The following EBF2 variants were observed in gnomAD, a reference collection of about 807,000 sequenced individuals.
The protein encoded by EBF2 is EBF transcription factor 2.
A neutral mutation model predicts 72.8 loss-of-function variants in EBF2; 21 were observed. The ratio of observed to expected loss-of-function variants is 0.29; its 90% CI spans 0.20 to 0.42. The LOEUF is 0.42. Ranked by LOEUF, EBF2 falls within the 10% of genes least tolerant of loss-of-function variation. The pLI, the probability that EBF2 is intolerant of heterozygous loss-of-function variation, is 1.00. For synonymous variants in EBF2, 299 were observed against 274.2 expected (o/e 1.09, Z -0.89); for missense variants, 637 against 731.2 (o/e 0.87, Z 1.49).
chr8:25,993,878 C>T (rs765226833), intron 6 of EBF2, among the ~76,000 whole-genome samples: 5 of 152,038 alleles, frequency 3.3e-5, no homozygotes, highest in Non-Finnish European at 5.9e-5. Context: ...CCTATCTCAA[C>T]ATTAAATGCT....
In EBF2 at chr8:25,842,598, T is replaced by C. The variant is rs1416958419; in HGVS notation, c.*2011A>G. 4 of 152,226 alleles carry C rather than the reference T, an allele frequency of 2.6e-5. No homozygotes were observed. Among genetic ancestry groups the C allele is most frequent in the Non-Finnish European group, 5.9e-5 (4 of 68,036 alleles). 9.4% of individuals were successfully genotyped at this position (152,226 alleles called of 1,614,324 possible). A position where few individuals can be genotyped will look rare whatever the true frequency, so the allele number is the denominator to read the frequency against. On this transcript the variant is annotated 3_prime_UTR_variant, in exon 16 of 16. Coordinates refer to ENST00000520164, the MANE Select transcript of EBF2 (RefSeq NM_022659.4). ...AATCAGGTTTCTCACTGGGGGACTT[T>C]TTCTCTTATGTTTCCGTGTATTTTG...
At chr8:25,995,685 T>A (rs968184320) in intron 6 of EBF2, among the ~76,000 whole-genome samples, 4 of 151,862 alleles carry the variant, frequency 2.6e-5, no homozygotes, top group African/African-American at 9.7e-5. Flanking sequence ...AAAAATTATA[T>A]GTAAAAAGAT....
intron 10 of EBF2, among the ~76,000 whole-genome samples, chr8:25,872,700 C>T (rs1239171309): frequency 6.6e-6 from 1 of 152,090 alleles, no homozygotes; most frequent in Non-Finnish European, 1.5e-5. Context: ...ACAACAACAA[C>T]AACAACAACA....
At chr8:26,011,276 G>A (rs1210800173) in intron 6 of EBF2, among the ~76,000 whole-genome samples, 1 of 152,116 alleles carries the variant, frequency 6.6e-6, no homozygotes, top group Non-Finnish European at 1.5e-5. Context: ...TTATTTTTAG[G>A]TTGCGTTTGT....
chr8:26,032,999 G>C (rs1585234970), intron 6 of EBF2, 86 bp downstream of exon 6: 2 of 1,297,888 alleles, frequency 1.5e-6, no homozygotes, highest in East Asian at 4.7e-5. Context: ...CAACTTGACA[G>C]CAAAGCTCCA....
intron 7 of EBF2, among the ~76,000 whole-genome samples, chr8:25,904,235 C>CAAAAAAA (rs35930162): frequency 8.2e-6 from 1 of 121,836 alleles, no homozygotes; most frequent in African/African-American, 3.0e-5. Context: ...GGGTCTGGGC[C>CAAAAAAA]AAAAAAAAAA....
chr8:26,002,876 AG>A (rs1804758858), intron 6 of EBF2, among the ~76,000 whole-genome samples: 1 of 93,002 alleles, frequency 1.1e-5, no homozygotes, highest in Non-Finnish European at 2.8e-5. Context: ...GCAGGCGGGC[AG>A]GCGGGCAGGC....
At chr8:26,034,280 T>C (rs1157708645) in intron 5 of EBF2, among the ~76,000 whole-genome samples, 5 of 152,200 alleles carry the variant, frequency 3.3e-5, no homozygotes, top group Non-Finnish European at 7.3e-5. Flanking sequence ...AGCTGTTGGA[T>C]GGTAGCTCCA....
rs768749028 is a variant in EBF2, at chr8:26,044,745, T to G, written c.115A>C (p.Asn39His). 6.2e-7 allele frequency: 1 copy of G among 1,614,036 alleles called. No homozygotes were observed. Among genetic ancestry groups the G allele is most frequent in the South Asian group, 1.1e-5 (1 of 91,074 alleles). The part of the protein sequence containing the change: ...WVRNVGVVDA[N>H]VAAQSGVALS... ...TGTCGTTACCTCTGCGCGGCGACAT[T>G]AGCGTCCACCACTCCGACATTCCGG... Residue 39 changes from asparagine to histidine, a missense_variant, in exon 1 of 16, where the codon AAT (asparagine) becomes CAT (histidine). By Grantham distance (68) the Asn-to-His change is moderately conservative. This residue lies in a region of EBF2 where 174 missense variants were observed against 161.9 expected (regional missense o/e 1.07). Transcript: ENST00000520164. The surrounding 1 kb of genome is among the most constrained non-coding windows in gnomAD (Gnocchi z 4.1).
At chr8:25,915,812 T>C (rs1040241234) in intron 6 of EBF2, among the ~76,000 whole-genome samples, 3 of 152,100 alleles carry the variant, frequency 2.0e-5, no homozygotes, top group African/African-American at 7.2e-5. Context: ...AGGATCTCCA[T>C]AATGGAGATT....
chr8:25,966,118 G>A (rs17054701), intron 6 of EBF2, among the ~76,000 whole-genome samples: 4,028 of 152,322 alleles, frequency 0.026, 52 homozygotes, highest in Middle Eastern at 0.095. Context: ...GGCCAGGCTG[G>A]CTCCTTCTCA....
intron 6 of EBF2, among the ~76,000 whole-genome samples, chr8:25,976,984 G>A (rs1320136329): frequency 1.3e-5 from 2 of 152,202 alleles, no homozygotes; most frequent in African/African-American, 2.4e-5. Flanking sequence ...TTACCCAGCT[G>A]TAAGTGATTC....
At chr8:25,927,299 C>A (rs1440012353) in intron 6 of EBF2, among the ~76,000 whole-genome samples, 1 of 137,866 alleles carries the variant, frequency 7.3e-6, no homozygotes, top group Non-Finnish European at 1.6e-5. Flanking sequence ...AATTCCTTAT[C>A]TTGTATATAT....
intron 6 of EBF2, among the ~76,000 whole-genome samples, chr8:25,915,576 G>C (rs1203493006): frequency 1.4e-5 from 2 of 140,062 alleles, no homozygotes; most frequent in Non-Finnish European, 3.0e-5. Context: ...TGTCCAAAGA[G>C]ATGGCATAGC....
At chr8:25,996,364 T>C (rs1804631489) in intron 6 of EBF2, among the ~76,000 whole-genome samples, 1 of 151,586 alleles carries the variant, frequency 6.6e-6, no homozygotes, top group Non-Finnish European at 1.5e-5. Context: ...TTTTCCAGCA[T>C]CCCAAAAGGC....
At chr8:25,986,018 A>AAAAAAAAAAAAAAAAAAAAAAC (rs1804448209) in intron 6 of EBF2, among the ~76,000 whole-genome samples, 1 of 149,636 alleles carries the variant, frequency 6.7e-6, no homozygotes, top group Non-Finnish European at 1.5e-5. Context: ...AAAAAAAAAA[A>AAAAAAAAAAAAAAAAAAAAAAC]AAAAAAAGTA....
At chr8:25,858,248 C>T in intron 14 of EBF2, 71 bp downstream of exon 14, 1 of 1,575,346 alleles carries the variant, frequency 6.3e-7, no homozygotes, top group Non-Finnish European at 8.7e-7. Flanking sequence ...GCAACTTTCT[C>T]CCAAAAGGCC....
chr8:26,001,640 C>T (rs1029321153), intron 6 of EBF2, among the ~76,000 whole-genome samples: 5 of 152,032 alleles, frequency 3.3e-5, no homozygotes, highest in African/African-American at 1.2e-4. Flanking sequence ...ACCTCCACCT[C>T]CGAGTTCAAG....
chr8:25,914,480 G>A (rs569373352), intron 6 of EBF2, among the ~76,000 whole-genome samples: 14 of 152,288 alleles, frequency 9.2e-5, no homozygotes, highest in African/African-American at 3.1e-4. Flanking sequence ...AAAGGGCCCT[G>A]AAGCTTTTAA....
Sources: allele counts gnomAD v4.1 joint callset (sites outside exome capture counted in the v4.1 genomes callset), GRCh38; gene constraint gnomAD v4.1.1; regional missense constraint gnomAD v4.1.1; non-coding constraint Gnocchi (gnomAD v3.1); transcripts MANE v1.5; gene names NCBI Gene and HGNC (gene_info 2026-07-23, HGNC 2026-07-21).